ZNF423: variants seen among roughly 807,000 people sequenced by gnomAD.
The protein encoded by ZNF423 is Ebf-associated zinc finger protein.
In ZNF423, 12 loss-of-function variants were observed where a neutral mutation model predicts 95.8. The ratio of observed to expected loss-of-function variants is 0.13; its 90% CI spans 0.08 to 0.20. The LOEUF is 0.20. ZNF423 is among the 10% of genes least tolerant of loss of function. The pLI, the probability that ZNF423 is intolerant of heterozygous loss-of-function variation, is 1.00. For missense variants in ZNF423, 1,316 were observed against 1,737.1 expected (o/e 0.76, Z 4.31); for synonymous variants, 749 against 711.9 (o/e 1.05, Z -0.83).
intron 1 of ZNF423, among the ~76,000 whole-genome samples, chr16:49,837,900 C>G (rs186110336): frequency 6.6e-6 from 1 of 152,202 alleles, no homozygotes; most frequent in African/African-American, 2.4e-5. Flanking sequence ...AGGACCTTGT[C>G]GAAGTCAGAT....
chr16:49,725,522 C>T (rs184303911), intron 3 of ZNF423, among the ~76,000 whole-genome samples: 20 of 152,282 alleles, frequency 1.3e-4, no homozygotes, highest in East Asian at 1.9e-4. Flanking sequence ...TAGAACATAA[C>T]GGGGAACAAA....
intron 5 of ZNF423, 117 bp downstream of exon 5, chr16:49,626,053 A>G: frequency 1.0e-6 from 1 of 988,308 alleles, no homozygotes; most frequent in Non-Finnish European, 1.6e-6. Flanking sequence ...AATGTCTCAG[A>G]AACAGCAGCA....
chr16:49,511,773 A>T (rs1295778424), intron 7 of ZNF423, among the ~76,000 whole-genome samples: 4 of 152,050 alleles, frequency 2.6e-5, no homozygotes, highest in Non-Finnish European at 5.9e-5. Flanking sequence ...GACAACAGTG[A>T]TGATGATGAT....
At chr16:49,633,909 C>T (rs1972590028) in intron 4 of ZNF423, among the ~76,000 whole-genome samples, 1 of 151,854 alleles carries the variant, frequency 6.6e-6, no homozygotes, top group Non-Finnish European at 1.5e-5. Context: ...TCCTTTCTTT[C>T]TTTCTTTTTT....
intron 5 of ZNF423, among the ~76,000 whole-genome samples, chr16:49,552,862 C>T (rs955396768): frequency 6.6e-6 from 1 of 151,852 alleles, no homozygotes; most frequent in Non-Finnish European, 1.5e-5. Context: ...CCCCAAGGGC[C>T]CCCACCCCTC....
intron 5 of ZNF423, among the ~76,000 whole-genome samples, chr16:49,566,337 C>T (rs1202856338): frequency 6.6e-6 from 1 of 152,194 alleles, no homozygotes; most frequent in Non-Finnish European, 1.5e-5. Flanking sequence ...AGAGCAGCAC[C>T]CATAAAAGTC....
chr16:49,514,515 G>A (rs1020713792), intron 7 of ZNF423, among the ~76,000 whole-genome samples: 1 of 152,202 alleles, frequency 6.6e-6, no homozygotes, highest in African/African-American at 2.4e-5. Context: ...AGGGTCCCAA[G>A]GGAGCTGAGA....
chr16:49,607,627 G>A (rs761190595), intron 5 of ZNF423, among the ~76,000 whole-genome samples: 1 of 152,182 alleles, frequency 6.6e-6, no homozygotes, highest in African/African-American at 2.4e-5. Flanking sequence ...TGAAAGTAAG[G>A]ATCATTCTGT....
intron 5 of ZNF423, among the ~76,000 whole-genome samples, chr16:49,574,082 C>CTGA (rs1408633287): frequency 6.6e-6 from 1 of 152,158 alleles, no homozygotes; most frequent in Non-Finnish European, 1.5e-5. Flanking sequence ...GCTGGAGAGT[C>CTGA]TTTTAAAACA....
intron 5 of ZNF423, among the ~76,000 whole-genome samples, chr16:49,570,590 C>G (rs1970324907): frequency 1.3e-5 from 2 of 152,134 alleles, no homozygotes; most frequent in Non-Finnish European, 2.9e-5. Flanking sequence ...AAACAGTATG[C>G]TTAATTACCA....
chr16:49,839,102 T>A (rs566723117), intron 1 of ZNF423, among the ~76,000 whole-genome samples: 130 of 146,142 alleles, frequency 8.9e-4, no homozygotes, highest in African/African-American at 2.8e-3. Context: ...CACCCTGGAT[T>A]TCTTCCTCCT....
chr16:49,575,768 C>T (rs1219716557), intron 5 of ZNF423, among the ~76,000 whole-genome samples: 2 of 152,188 alleles, frequency 1.3e-5, no homozygotes, highest in Non-Finnish European at 2.9e-5. Context: ...CTTTTAAAAA[C>T]ACGGATTCTT....
intron 2 of ZNF423, among the ~76,000 whole-genome samples, chr16:49,739,730 G>C (rs1389237312): frequency 7.9e-6 from 1 of 127,356 alleles, no homozygotes; most frequent in Non-Finnish European, 1.6e-5. Context: ...ACAGGATCTT[G>C]GTCTGTCACC....
At chr16:49,608,384 C>T (rs1971610202) in intron 5 of ZNF423, among the ~76,000 whole-genome samples, 1 of 152,170 alleles carries the variant, frequency 6.6e-6, no homozygotes, top group African/African-American at 2.4e-5. Flanking sequence ...CTGAGTCCTA[C>T]AAGCTAGCAC....
At chr16:49,634,078 T>C (rs35894135) in intron 4 of ZNF423, among the ~76,000 whole-genome samples, 4,872 of 152,042 alleles carry the variant, frequency 0.032, 101 homozygotes, top group Non-Finnish European at 0.047. Context: ...ACCTAAATTT[T>C]TGTATTTTTA....
chr16:49,814,458 G>A (rs2034805508), intron 1 of ZNF423, among the ~76,000 whole-genome samples: 1 of 151,228 alleles, frequency 6.6e-6, no homozygotes, highest in Admixed American at 6.6e-5. Flanking sequence ...GGACAGGGGT[G>A]GGCTGTGCCA....
At chr16:49,640,338 C>G (rs549021447) in intron 3 of ZNF423, among the ~76,000 whole-genome samples, 15 of 151,860 alleles carry the variant, frequency 9.9e-5, no homozygotes, top group African/African-American at 3.6e-4. Context: ...TCATTCACAC[C>G]ATCACTCCCA....
At chr16:49,697,102 C>T (rs1489053279) in intron 3 of ZNF423, among the ~76,000 whole-genome samples, 3 of 152,186 alleles carry the variant, frequency 2.0e-5, no homozygotes, top group Admixed American at 1.3e-4. Context: ...TCCAGAATTC[C>T]CCAGGGCTCA....
chr16:49,547,896 G>C (rs189967065), intron 5 of ZNF423, among the ~76,000 whole-genome samples: 1 of 152,308 alleles, frequency 6.6e-6, no homozygotes, highest in African/African-American at 2.4e-5. Context: ...TGGGAAGGAG[G>C]TTACAACGAG....
Sources: gnomAD v4.1 joint callset for allele counts (sites outside exome capture counted in the v4.1 genomes callset) on GRCh38, gnomAD v4.1.1 for gene constraint, MANE v1.5 for transcripts, NCBI Gene and HGNC (gene_info 2026-07-23, HGNC 2026-07-21) for gene names.